GNA15: variants seen among roughly 807,000 people sequenced by gnomAD.
The protein encoded by GNA15 is G protein subunit alpha 15.
In GNA15, 23 loss-of-function variants were observed where a neutral mutation model predicts 40.1. That is an observed-to-expected ratio of 0.57 (90% CI 0.41 to 0.81). The LOEUF (loss-of-function observed/expected upper bound fraction) is 0.81, where lower values mean the gene tolerates loss of function less well. Among genes scored for constraint, GNA15 ranks in the 40% least tolerant of loss-of-function variants. The pLI, the probability that GNA15 is intolerant of heterozygous loss-of-function variation, is 0.00. For synonymous variants in GNA15, 226 were observed against 210.4 expected, an observed-to-expected ratio of 1.07 and a Z score of -0.64; for missense variants, 522 against 515.8, an observed-to-expected ratio of 1.01 and a Z score of -0.12.
At position 3,136,364 on chromosome 19, in the gene GNA15, T is replaced by C; in HGVS notation, c.-87T>C. 1 of 1,388,604 alleles carries C rather than the reference T, an allele frequency of 7.2e-7. No individual in the cohort carries two copies. 86.0% of individuals were successfully genotyped at this position (1,388,604 alleles called of 1,614,324 possible). ...CTGCGCACCCGGTTGCCCGGAGCCC[T>C]CTCCAGGGCCGGCTGGGCTGGGGGT... On this transcript the variant is annotated 5_prime_UTR_variant, in exon 1 of 7. Coordinates refer to ENST00000262958, the MANE Select transcript of GNA15 (RefSeq NM_002068.4). This position sits in a 1 kb window ranked among gnomAD's most constrained non-coding sequence, Gnocchi z 4.9.
rs182283693 is a variant in GNA15, at chr19:3,157,187, C to T, written c.745-541C>T. ...TAATTTTTTGTATTTTTAGTAGAAA[C>T]GGGGTTTCACCATGTTAGCCAGGCT... On this transcript the variant is annotated intron_variant, in intron 5 of 6. Coordinates refer to ENST00000262958, the MANE Select transcript of GNA15 (RefSeq NM_002068.4). Among the ~76,000 whole-genome samples, 204 of 151,192 alleles carry T rather than the reference C, an allele frequency of 1.3e-3. 2 individuals are homozygous for T. The highest frequency in any genetic ancestry group is 4.8e-3 in the African/African-American group (197 of 41,170).
At chr19:3,144,154 C>G (rs971479924) in intron 1 of GNA15, among the ~76,000 whole-genome samples, 1 of 151,684 alleles carries the variant, frequency 6.6e-6, no homozygotes, top group East Asian at 1.9e-4. Flanking sequence ...AGTTGTCCCC[C>G]TCTCGTGGTG....
At chr19:3,138,460 C>T (rs1442288251) in intron 1 of GNA15, among the ~76,000 whole-genome samples, 2 of 152,140 alleles carry the variant, frequency 1.3e-5, no homozygotes, top group Non-Finnish European at 2.9e-5. Flanking sequence ...TCGCGTTTGT[C>T]TGCCCCGGGC....
At position 3,150,058 on chromosome 19, in the gene GNA15, C is replaced by T. The variant is rs1914839489; in HGVS notation, c.331-73C>T. On this transcript the variant is annotated intron_variant, in intron 2 of 6. Coordinates refer to ENST00000262958, the MANE Select transcript of GNA15 (RefSeq NM_002068.4). ...CGTGTTTCAGGGAGGGACGTGGGGG[C>T]TTGCAGAGATGCCTGCGGAGGGCAG... 6 of 1,346,234 alleles carry T rather than the reference C, an allele frequency of 4.5e-6. No individual in the cohort carries two copies. In the Admixed American group the frequency reaches 9.6e-5, roughly 22 times the overall value. The allele number at this position is 1,346,234 out of a possible 1,614,324, so 83.4% of individuals were successfully genotyped here.
At chr19:3,161,536 T>C (rs529644950) in intron 6 of GNA15, among the ~76,000 whole-genome samples, 3 of 152,292 alleles carry the variant, frequency 2.0e-5, no homozygotes, top group South Asian at 2.1e-4. Flanking sequence ...GTCTGGGAGA[T>C]AGACGTCAAG....
chr19:3,163,202 G>A lies in GNA15; in HGVS notation c.*183G>A. On this transcript the variant is annotated 3_prime_UTR_variant, in exon 7 of 7. Transcript: ENST00000262958. ...CTCTCACCAGGACAGCCGCCCCCCA[G>A]GGTACTCCTGCCCTTGCTTGACTCA... The A allele has an allele frequency of 5.0e-6, 3 of 597,186 alleles. No individual in the cohort carries two copies. The highest frequency in any genetic ancestry group is 2.9e-5 in the Admixed American group (1 of 34,270). 37.0% of individuals were successfully genotyped at this position (597,186 alleles called of 1,614,324 possible).
chr19:3,157,624 G>T (rs886738999), intron 5 of GNA15, 104 bp from the exon 6 acceptor site: 8 of 963,778 alleles, frequency 8.3e-6, no homozygotes, highest in Non-Finnish European at 1.3e-5. Flanking sequence ...GCAGATAGGG[G>T]TGAGCCCATG....
chr19:3,151,796 TCAA>T lies in GNA15; in HGVS notation c.577_579del (p.Asn193del), dbSNP rs1309228617. 6.2e-7 allele frequency: 1 copy of T among 1,612,696 alleles called. No individual in the cohort carries two copies. Among genetic ancestry groups the T allele is most frequent in the Non-Finnish European group, 8.5e-7 (1 of 1,179,602 alleles). On this transcript the variant is annotated inframe_deletion, in exon 4 of 7. Coordinates refer to ENST00000262958, the MANE Select transcript of GNA15 (RefSeq NM_002068.4). This position sits in a 1 kb window ranked among gnomAD's most constrained non-coding sequence, Gnocchi z 5.0. ...CGCAGCCGCATGCCCACCACTGGCATCAACGAGTACTGCTTCTCCGTGCAGAAA... is the reference window on the plus strand; with the variant it reads ...CGCAGCCGCATGCCCACCACTGGCATCGAGTACTGCTTCTCCGTGCAGAAA...
At chr19:3,152,277 AG>A (rs904087447) in intron 4 of GNA15, among the ~76,000 whole-genome samples, 7 of 152,228 alleles carry the variant, frequency 4.6e-5, no homozygotes, top group African/African-American at 1.7e-4. Context: ...CAGGAAACTC[AG>A]AAAAAGGAGG....
intron 4 of GNA15, among the ~76,000 whole-genome samples, chr19:3,153,161 CGA>C (rs1914919844): frequency 6.6e-6 from 1 of 151,402 alleles, no homozygotes; most frequent in Non-Finnish European, 1.5e-5. Flanking sequence ...TCAGCGAGAC[CGA>C]GAACCCACGA....
intron 1 of GNA15, chr19:3,143,083 C>T (rs529951004): frequency 1.3e-5 from 2 of 152,180 alleles, no homozygotes; most frequent in African/African-American, 4.8e-5. Context: ...CTGGCCGTGT[C>T]CCATTTTGTT....
At chr19:3,143,806 C>A (rs1159264615) in intron 1 of GNA15, among the ~76,000 whole-genome samples, 1 of 151,974 alleles carries the variant, frequency 6.6e-6, no homozygotes, top group African/African-American at 2.4e-5. Flanking sequence ...AGTTTCCCCA[C>A]ATGGAAACAG....
intron 5 of GNA15, among the ~76,000 whole-genome samples, chr19:3,156,685 A>G (rs1185604738): frequency 6.6e-6 from 1 of 151,768 alleles, no homozygotes; most frequent in African/African-American, 2.4e-5. Context: ...CTTAGAAGAG[A>G]GGGGGTTTCA....
intron 2 of GNA15, 29 bp from the exon 3 acceptor site, chr19:3,150,102 C>A (rs1186991411): frequency 6.2e-7 from 1 of 1,603,850 alleles, no homozygotes; most frequent in Admixed American, 1.7e-5. Flanking sequence ...AGAAAGGCTA[C>A]CCTAACTGCC....
At chr19:3,147,820 G>A (rs1344249960) in intron 1 of GNA15, among the ~76,000 whole-genome samples, 5 of 147,368 alleles carry the variant, frequency 3.4e-5, no homozygotes, top group East Asian at 2.1e-4. Context: ...CCCGGGAGAC[G>A]GAGCTTGCAG....
chr19:3,148,017 C>T (rs949535259), intron 1 of GNA15, among the ~76,000 whole-genome samples: 1 of 152,014 alleles, frequency 6.6e-6, no homozygotes, highest in Non-Finnish European at 1.5e-5. Flanking sequence ...ATTTTATAAT[C>T]AATTCATTTG....
At chr19:3,145,177 CT>C (rs35738672) in intron 1 of GNA15, among the ~76,000 whole-genome samples, 19 of 138,954 alleles carry the variant, frequency 1.4e-4, no homozygotes, top group Admixed American at 2.9e-4. Context: ...TTTTTGGAAA[CT>C]TTTTTTTTTG....
chr19:3,139,165 C>T (rs1462992151), intron 1 of GNA15, among the ~76,000 whole-genome samples: 4 of 151,698 alleles, frequency 2.6e-5, no homozygotes, highest in African/African-American at 7.3e-5. Flanking sequence ...AGGCTGGTCT[C>T]GAACCCCTGA....
Position 3,145,359 on chromosome 19 carries a change from A to ATATATATATATATT in GNA15, c.146-3231_146-3230insATATATATATATTT. ...TAAATATATATATATATATATATAT[A>ATATATATATATATT]TTTTTTTTTTTTTGTAGAGATGGGG... On this transcript the variant is annotated intron_variant, in intron 1 of 6. Coordinates refer to ENST00000262958, the MANE Select transcript of GNA15 (RefSeq NM_002068.4). Among the ~76,000 whole-genome samples the ATATATATATATATT allele has an allele frequency of 3.1e-3, 144 of 46,952 alleles. 2 individuals carry two copies. Among genetic ancestry groups the ATATATATATATATT allele is most frequent in the African/African-American group, 9.4e-3 (102 of 10,908 alleles). The allele number at this position is 46,952 out of a possible 152,430, so 30.8% of individuals were successfully genotyped here.
Sources: gnomAD v4.1 joint callset for allele counts (sites outside exome capture counted in the v4.1 genomes callset) on GRCh38, gnomAD v4.1.1 for gene constraint, Gnocchi (gnomAD v3.1) non-coding constraint, MANE v1.5 for transcripts, NCBI Gene and HGNC (gene_info 2026-07-23, HGNC 2026-07-21) for gene names.